The following SLC4A4 variants were observed in gnomAD, a reference collection of about 807,000 sequenced individuals.
SLC4A4 encodes the protein electrogenic sodium bicarbonate cotransporter 1.
In SLC4A4, 27 loss-of-function variants were observed where a neutral mutation model predicts 111.5. That is an observed-to-expected ratio of 0.24 (90% CI 0.18 to 0.33). SLC4A4 has a LOEUF of 0.33. Among genes scored for constraint, SLC4A4 ranks in the 10% least tolerant of loss-of-function variants. SLC4A4 has a pLI of 1.00. For missense variants in SLC4A4, 909 were observed against 1,315.5 expected (o/e 0.69, Z 4.78); for synonymous variants, 443 against 463.4 (o/e 0.96, Z 0.57).
chr4:71,403,713 C>T (rs902554612), intron 7 of SLC4A4, among the ~76,000 whole-genome samples: 7 of 152,028 alleles, frequency 4.6e-5, no homozygotes, highest in East Asian at 3.9e-4. Flanking sequence ...GAAAATAGGC[C>T]GGAGGACCTT....
intron 2 of SLC4A4, among the ~76,000 whole-genome samples, chr4:71,247,273 CAATAT>C (rs1005065424): frequency 4.1e-5 from 6 of 147,166 alleles, no homozygotes; most frequent in South Asian, 4.2e-4. Flanking sequence ...TCTACTAATA[CAATAT>C]AAGATATATA....
chr4:71,185,922 T>G (rs546908508), upstream of SLC4A4, among the ~76,000 whole-genome samples: 74 of 152,320 alleles, frequency 4.9e-4, 1 homozygote, highest in Admixed American at 9.2e-4. Context: ...GTCAGTGATG[T>G]CCACATACAC....
intron 1 of SLC4A4, among the ~76,000 whole-genome samples, chr4:71,202,065 C>T (rs1387325453): frequency 6.6e-6 from 1 of 152,178 alleles, no homozygotes; most frequent in East Asian, 1.9e-4. Flanking sequence ...AGCTGAGAAG[C>T]TCCTCGAAGT....
chr4:71,447,771 A>T, intron 9 of SLC4A4, 38 bp downstream of exon 9: 1 of 1,300,470 alleles, frequency 7.7e-7, no homozygotes. Flanking sequence ...TGAATGTCCT[A>T]CTTGTTTGTT....
chr4:71,203,482 C>G (rs904033508), intron 1 of SLC4A4, among the ~76,000 whole-genome samples: 3 of 152,188 alleles, frequency 2.0e-5, no homozygotes, highest in African/African-American at 7.2e-5. Flanking sequence ...GCCACAGTTA[C>G]TGTGTGATGA....
intron 17 of SLC4A4, among the ~76,000 whole-genome samples, chr4:71,533,360 G>T (rs1050860381): frequency 6.6e-6 from 1 of 152,126 alleles, no homozygotes; most frequent in East Asian, 1.9e-4. Flanking sequence ...GTAAAATGAG[G>T]TTAGATTCAG....
At chr4:71,262,395 C>T (rs540260383) in intron 3 of SLC4A4, among the ~76,000 whole-genome samples, 1 of 152,260 alleles carries the variant, frequency 6.6e-6, no homozygotes, top group African/African-American at 2.4e-5. Context: ...GAATGTTAGG[C>T]TCTTTTAATA....
At chr4:71,445,694 G>C (rs911927301) in intron 8 of SLC4A4, among the ~76,000 whole-genome samples, 2 of 152,076 alleles carry the variant, frequency 1.3e-5, no homozygotes, top group Admixed American at 6.6e-5. Context: ...TCAGGCAAAC[G>C]AAATTGAGAA....
intron 2 of SLC4A4, among the ~76,000 whole-genome samples, chr4:71,101,823 A>C (rs1742745394): frequency 6.6e-6 from 1 of 152,038 alleles, no homozygotes. Flanking sequence ...GATGGGGAAA[A>C]AACAGAACAG....
chr4:71,485,905 C>A (rs774459246), intron 14 of SLC4A4, among the ~76,000 whole-genome samples: 8 of 151,470 alleles, frequency 5.3e-5, no homozygotes, highest in Non-Finnish European at 7.4e-5. Context: ...AGATAAGCTT[C>A]TTCTGTCCCT....
Position 71,555,200 on chromosome 4 carries a change from G to A in SLC4A4, c.2755G>A (p.Gly919Ser). Residue 919 changes from glycine (G) to serine (S), a missense_variant, in exon 21 of 26, where the codon GGT (glycine) becomes AGT (serine). Gly to Ser is a moderately conservative substitution (Grantham distance 56). Around this residue, in one of 7 missense-constraint regions of SLC4A4, gnomAD observed 104 missense variants for 219.5 expected, o/e 0.47. Coordinates refer to ENST00000264485, the MANE Select transcript of SLC4A4 (RefSeq NM_001098484.3). The part of the protein sequence containing the change: ...FLYMGVASLN[G>S]VQFMDRLKLL... ...GTATATGGGAGTAGCATCCCTTAATGGTGTGCAGGTAAGTTTTTGAATAGC... is the reference window on the plus strand; with the variant it reads ...GTATATGGGAGTAGCATCCCTTAATAGTGTGCAGGTAAGTTTTTGAATAGC... 6.2e-7 allele frequency: 1 copy of A among 1,607,298 alleles called. No homozygotes were observed. The highest frequency in any genetic ancestry group is 2.2e-5 in the East Asian group (1 of 44,652).
chr4:71,374,803 T>A (rs1269348571), intron 6 of SLC4A4, among the ~76,000 whole-genome samples: 2 of 151,896 alleles, frequency 1.3e-5, no homozygotes, highest in South Asian at 2.1e-4. Flanking sequence ...TTTTTCCTAA[T>A]AAGATTTTGG....
At chr4:71,364,241 A>G (rs567520752) in intron 6 of SLC4A4, among the ~76,000 whole-genome samples, 27 of 152,334 alleles carry the variant, frequency 1.8e-4, no homozygotes, top group African/African-American at 6.3e-4. Flanking sequence ...GCAAATGTTT[A>G]GTAGCATTGT....
chr4:71,179,894 G>A (rs1372266211), intron 2 of SLC4A4, among the ~76,000 whole-genome samples: 1 of 152,252 alleles, frequency 6.6e-6, no homozygotes, highest in East Asian at 1.9e-4. Flanking sequence ...ACATTGCCAA[G>A]TCAATCCGAA....
At chr4:71,326,744 A>T (rs1484456483) in intron 3 of SLC4A4, among the ~76,000 whole-genome samples, 7 of 152,036 alleles carry the variant, frequency 4.6e-5, no homozygotes, top group Non-Finnish European at 1.0e-4. Context: ...TGAGCACCTG[A>T]GCTATTGTAA....
intron 2 of SLC4A4, among the ~76,000 whole-genome samples, chr4:71,140,052 C>A (rs1743953458): frequency 6.6e-6 from 1 of 152,154 alleles, no homozygotes; most frequent in Non-Finnish European, 1.5e-5. Flanking sequence ...CAGCTTCTCC[C>A]TTTTCTTGGA....
Position 71,464,790 on chromosome 4 carries a change from A to G in SLC4A4, c.1498-1654A>G, listed in dbSNP as rs150891316. 4.0e-3 allele frequency among the ~76,000 whole-genome samples: 608 copies of G among 152,244 alleles called. 5 individuals carry two copies. Among genetic ancestry groups the G allele is most frequent in the African/African-American group, 0.014 (562 of 41,552 alleles). On this transcript the variant is annotated intron_variant, in intron 12 of 25. Coordinates refer to ENST00000264485, the MANE Select transcript of SLC4A4 (RefSeq NM_001098484.3). Reference sequence around the variant, plus strand: ...GGAGGATGTGCTATTGCTAATGTCAATCTATGGAGAATGTTGCTGTCTCTG... The same window carrying G: ...GGAGGATGTGCTATTGCTAATGTCAGTCTATGGAGAATGTTGCTGTCTCTG...
intron 1 of SLC4A4, among the ~76,000 whole-genome samples, chr4:71,075,511 A>C (rs1741785632): frequency 6.6e-6 from 1 of 152,082 alleles, no homozygotes; most frequent in Non-Finnish European, 1.5e-5. Context: ...CATCAGCCAC[A>C]CTGGCTTCTG....
At chr4:71,489,649 C>G (rs1317256226) in intron 15 of SLC4A4, among the ~76,000 whole-genome samples, 2 of 151,794 alleles carry the variant, frequency 1.3e-5, no homozygotes, top group Non-Finnish European at 2.9e-5. Context: ...AGCCCATCTT[C>G]TGAGAGGCTA....
Sources: gnomAD v4.1 joint callset for allele counts (sites outside exome capture counted in the v4.1 genomes callset) on GRCh38, gnomAD v4.1.1 for gene constraint, gnomAD v4.1.1 regional missense constraint, MANE v1.5 for transcripts, NCBI Gene and HGNC (gene_info 2026-07-23, HGNC 2026-07-21) for gene names.